SHLD1: variants seen among roughly 807,000 people sequenced by gnomAD.
SHLD1 encodes the protein RINN1-REV7-interacting novel NHEJ regulator 3.
SHLD1 carries 3 observed loss-of-function variants against 5.5 expected under a neutral mutation model. That is an observed-to-expected ratio of 0.54 (90% CI 0.25 to 1.40). SHLD1 has a LOEUF of 1.40. SHLD1 is among the 40% of genes most tolerant of loss of function. SHLD1 has a pLI of 0.15. For missense variants in SHLD1, 210 were observed against 244.4 expected (o/e 0.86, Z 0.94); for synonymous variants, 92 against 94.3 (o/e 0.98, Z 0.14).
At chr20:5,848,339 A>G (rs868704069) in intron 2 of SHLD1, among the ~76,000 whole-genome samples, 1 of 152,210 alleles carries the variant, frequency 6.6e-6, no homozygotes, top group South Asian at 2.1e-4. Flanking sequence ...CAGGAGTTTG[A>G]GAACAGCCTG....
intron 2 of SHLD1, among the ~76,000 whole-genome samples, chr20:5,778,566 T>A (rs1236956265): frequency 2.1e-5 from 3 of 145,888 alleles, no homozygotes; most frequent in Non-Finnish European, 4.5e-5. Flanking sequence ...ATGATCGTGC[T>A]ACTGCACCCC....
chr20:5,848,005 G>A (rs1480772958), intron 2 of SHLD1, among the ~76,000 whole-genome samples: 2 of 152,160 alleles, frequency 1.3e-5, no homozygotes, highest in Non-Finnish European at 2.9e-5. Context: ...TATCAGAAAA[G>A]AATGGATGAA....
chr20:5,844,460 G>A (rs2087902819), intron 2 of SHLD1, among the ~76,000 whole-genome samples: 1 of 152,110 alleles, frequency 6.6e-6, no homozygotes, highest in African/African-American at 2.4e-5. Flanking sequence ...GGATGTGTTT[G>A]GGGATGGCTG....
intron 2 of SHLD1, among the ~76,000 whole-genome samples, chr20:5,861,051 T>G (rs1322870235): frequency 6.6e-6 from 1 of 152,252 alleles, no homozygotes; most frequent in Non-Finnish European, 1.5e-5. Context: ...TCCTTGAGCC[T>G]CCAGGCTGGG....
intron 2 of SHLD1, among the ~76,000 whole-genome samples, chr20:5,803,948 A>G (rs2087337075): frequency 6.6e-6 from 1 of 151,154 alleles, no homozygotes; most frequent in African/African-American, 2.4e-5. Context: ...TGCTATTTGG[A>G]GGTTGAGGGC....
intron 2 of SHLD1, among the ~76,000 whole-genome samples, chr20:5,811,309 T>C (rs1441496168): frequency 6.6e-6 from 1 of 152,094 alleles, no homozygotes; most frequent in Non-Finnish European, 1.5e-5. Flanking sequence ...AGCGAAGTCA[T>C]AGGACAGGAG....
At chr20:5,782,176 C>T (rs1384454709) in intron 2 of SHLD1, among the ~76,000 whole-genome samples, 1 of 152,184 alleles carries the variant, frequency 6.6e-6, no homozygotes, top group African/African-American at 2.4e-5. Flanking sequence ...AACACCCTGT[C>T]TGTTAGATAC....
At chr20:5,817,432 C>CTGTGTGTGTGTGTGTG (rs1190340129) in intron 2 of SHLD1, among the ~76,000 whole-genome samples, 9 of 85,662 alleles carry the variant, frequency 1.1e-4, no homozygotes, top group African/African-American at 5.0e-4. Context: ...CTCTCTCTCT[C>CTGTGTGTGTGTGTGTG]TGTGTGTGTG....
intron 1 of SHLD1, among the ~76,000 whole-genome samples, chr20:5,764,147 T>A (rs1399840076): frequency 1.3e-3 from 70 of 53,276 alleles, no homozygotes; most frequent in African/African-American, 5.0e-3. Context: ...AAAATATATA[T>A]ATATTTATAT....
intron 1 of SHLD1, among the ~76,000 whole-genome samples, chr20:5,764,178 T>A (rs78484802): frequency 1.2e-3 from 96 of 77,260 alleles, no homozygotes; most frequent in African/African-American, 4.1e-3. Context: ...ATATATATTT[T>A]TATATATATA....
intron 2 of SHLD1, among the ~76,000 whole-genome samples, chr20:5,780,196 C>T (rs1013486179): frequency 6.6e-6 from 1 of 152,106 alleles, no homozygotes; most frequent in Admixed American, 6.5e-5. Flanking sequence ...CCAGTCTGGT[C>T]TCAAACTCCT....
chr20:5,750,944 C>T (rs1317495122), intron 1 of SHLD1, among the ~76,000 whole-genome samples: 2 of 152,090 alleles, frequency 1.3e-5, no homozygotes, highest in Non-Finnish European at 2.9e-5. Flanking sequence ...CTGCAGTGAG[C>T]CCAGATCGCG....
intron 1 of SHLD1, among the ~76,000 whole-genome samples, chr20:5,755,933 G>A (rs1312064159): frequency 6.6e-6 from 1 of 152,148 alleles, no homozygotes; most frequent in Non-Finnish European, 1.5e-5. Context: ...CTATGACAAA[G>A]AAAATATGTT....
At chr20:5,757,476 C>A (rs537728248) in intron 1 of SHLD1, among the ~76,000 whole-genome samples, 2 of 152,178 alleles carry the variant, frequency 1.3e-5, no homozygotes, top group African/African-American at 4.8e-5. Flanking sequence ...TCTATTCTAA[C>A]TTTGTGGAGT....
At chr20:5,774,262 A>G (rs1985327296) in intron 2 of SHLD1, among the ~76,000 whole-genome samples, 1 of 152,174 alleles carries the variant, frequency 6.6e-6, no homozygotes, top group Admixed American at 6.6e-5. Flanking sequence ...ATATTTTTAG[A>G]AAGAACTCAT....
chr20:5,839,938 A>C (rs1407922164), intron 2 of SHLD1, among the ~76,000 whole-genome samples: 1 of 152,198 alleles, frequency 6.6e-6, no homozygotes, highest in Non-Finnish European at 1.5e-5. Flanking sequence ...ACTTGAGAAC[A>C]CTTTCTAGAC....
At chr20:5,810,168 A>G (rs144515042) in intron 2 of SHLD1, among the ~76,000 whole-genome samples, 2,436 of 151,800 alleles carry the variant, frequency 0.016, 37 homozygotes, top group African/African-American at 0.029. Context: ...GAGGGAGGAG[A>G]ACTGCTTGAA....
chr20:5,802,350 G>T (rs1171840103), intron 2 of SHLD1, among the ~76,000 whole-genome samples: 1 of 152,160 alleles, frequency 6.6e-6, no homozygotes, highest in Non-Finnish European at 1.5e-5. Context: ...ACTGTTAGGG[G>T]TCAGACTTCC....
intron 2 of SHLD1, among the ~76,000 whole-genome samples, chr20:5,817,121 G>A (rs2087540305): frequency 6.6e-6 from 1 of 152,094 alleles, no homozygotes; most frequent in Admixed American, 6.6e-5. Flanking sequence ...AATATTAGCT[G>A]CTTTCACGTC....
Sources: allele counts gnomAD v4.1 joint callset (sites outside exome capture counted in the v4.1 genomes callset), GRCh38; gene constraint gnomAD v4.1.1; transcripts MANE v1.5; gene names NCBI Gene and HGNC (gene_info 2026-07-23, HGNC 2026-07-21).